PPARA: variants seen among roughly 807,000 people sequenced by gnomAD.
PPARA encodes the protein peroxisome proliferator activated receptor alpha.
Under a neutral mutation model 42.2 loss-of-function variants are expected in PPARA, and 22 were observed. The ratio of observed to expected loss-of-function variants is 0.52; its 90% CI spans 0.37 to 0.74. The LOEUF (loss-of-function observed/expected upper bound fraction) is 0.74. PPARA is among the 30% of genes least tolerant of loss of function. The pLI is 0.00. For synonymous variants in PPARA, 242 were observed against 239.3 expected (o/e 1.01, Z -0.10); for missense variants, 465 against 608.2 (o/e 0.76, Z 2.48).
rs977082195 is a variant in PPARA at position 46,190,513 on chromosome 22, G to C, written c.-42-7829G>C. ...CTCACACCAGTAATCCCAACACTTA[G>C]AGGCCAAGCCGCGTGGATCGCTTGA... On this transcript the variant is annotated intron_variant, in intron 3 of 8. Transcript: ENST00000407236. This position sits in a 1 kb window ranked among gnomAD's most constrained non-coding sequence, Gnocchi z 5.6. Among the ~76,000 whole-genome samples, 3 of 152,182 alleles carry C rather than the reference G, an allele frequency of 2.0e-5. No individual in the cohort carries two copies. The highest frequency in any genetic ancestry group is 1.9e-4 in the East Asian group (1 of 5,192).
At chr22:46,198,710 G>C in intron 4 of PPARA, 119 bp downstream of exon 4, 1 of 1,032,054 alleles carries the variant, frequency 9.7e-7, no homozygotes, top group Admixed American at 2.3e-5. Context: ...GCCCAGGCTG[G>C]AGTGCAATGG....
intron 7 of PPARA, among the ~76,000 whole-genome samples, chr22:46,229,581 GC>G (rs922483981): frequency 2.0e-5 from 3 of 151,786 alleles, no homozygotes; most frequent in Admixed American, 2.0e-4. Context: ...AAATTATCTA[GC>G]CCCTCCTAGA....
rs976994605 is a variant in PPARA at position 46,163,725 on chromosome 22, G to T, written c.-127+11755G>T. The T allele has an allele frequency of 1.8e-4, 27 of 152,250 alleles. No homozygotes were observed. The highest frequency in any genetic ancestry group is 6.0e-4 in the African/African-American group (25 of 41,456). 9.4% of individuals were successfully genotyped at this position (152,250 alleles called of 1,614,324 possible). A position where few individuals can be genotyped will look rare whatever the true frequency, so the allele number is the denominator to read the frequency against. On this transcript the variant is annotated intron_variant, in intron 2 of 8. Transcript: ENST00000407236. This position sits in a 1 kb window ranked among gnomAD's most constrained non-coding sequence, Gnocchi z 4.9. The stretch of plus-strand genomic sequence containing the variant: ...GGGAGACAGCCACATCCTGCCCGGG[G>T]CTCCTGGGCCCCGCTGCATCAAGTG...
In PPARA at chr22:46,163,844, G is replaced by A. The variant is rs1401293218; in HGVS notation, c.-127+11874G>A. 3 of 152,414 alleles carry A rather than the reference G, an allele frequency of 2.0e-5. No individual in the cohort carries two copies. Among genetic ancestry groups the A allele is most frequent in the Middle Eastern group, 3.4e-3 (1 of 294 alleles). 9.4% of individuals were successfully genotyped at this position (152,414 alleles called of 1,614,324 possible). A position where few individuals can be genotyped will look rare whatever the true frequency, so the allele number is the denominator to read the frequency against. On this transcript the variant is annotated intron_variant, in intron 2 of 8. Transcript: ENST00000407236. This position sits in a 1 kb window ranked among gnomAD's most constrained non-coding sequence, Gnocchi z 4.9. ...AGGATGTGTCCCGCCAGCCTTCCAC[G>A]ACGGACCCCCCACTCTCTATTAATT...
At position 46,226,194 on chromosome 22, in the gene PPARA, C is replaced by T. The variant is rs1935439052; in HGVS notation, c.712-5598C>T. Among the ~76,000 whole-genome samples, 2 of 152,172 alleles carry T rather than the reference C, an allele frequency of 1.3e-5. 1 individual carries two copies. The highest frequency in any genetic ancestry group is 6.3e-3 in the Middle Eastern group (2 of 316). ...ATACACATGCTCACACGCATACCCA[C>T]ACTCACATGTGTGCACATATGCTCA... On this transcript the variant is annotated intron_variant, in intron 7 of 8. Coordinates refer to ENST00000407236, the MANE Select transcript of PPARA (RefSeq NM_005036.6).
rs995139164 is a variant in PPARA at position 46,216,255 on chromosome 22, T to C, written c.369+922T>C. On this transcript the variant is annotated intron_variant, in intron 5 of 8. Transcript: ENST00000407236. This position sits in a 1 kb window ranked among gnomAD's most constrained non-coding sequence, Gnocchi z 4.5. ...AAAATTAGCCAGGTGTGGTGGTGGG[T>C]GCCTGTAATCCCAGCTACTTGGGAG... Among the ~76,000 whole-genome samples the C allele has an allele frequency of 1.3e-5, 2 of 151,668 alleles. No homozygotes were observed. The highest frequency in any genetic ancestry group is 6.6e-5 in the Admixed American group (1 of 15,178).
At position 46,190,139 on chromosome 22, in the gene PPARA, T is replaced by C. The variant is rs1360967112; in HGVS notation, c.-42-8203T>C. Reference sequence around the variant, plus strand: ...AGCGAAAAGACTTCTAGATGTTAAATATGATATTCAAAAAATATAAAGACA... The same window carrying C: ...AGCGAAAAGACTTCTAGATGTTAAACATGATATTCAAAAAATATAAAGACA... On this transcript the variant is annotated intron_variant, in intron 3 of 8. Transcript: ENST00000407236. The surrounding 1 kb of genome is among the most constrained non-coding windows in gnomAD (Gnocchi z 5.6). Among the ~76,000 whole-genome samples, 1 of 152,196 alleles carries C rather than the reference T, an allele frequency of 6.6e-6. No homozygotes were observed. Among genetic ancestry groups the C allele is most frequent in the East Asian group, 1.9e-4 (1 of 5,198 alleles).
intron 5 of PPARA, 61 bp downstream of exon 5, chr22:46,215,394 T>C: frequency 6.2e-7 from 1 of 1,601,952 alleles, no homozygotes; most frequent in Non-Finnish European, 8.5e-7. Context: ...TGGTCACTTT[T>C]ATAGCAAATG....
rs914692937 is a variant in PPARA, at chr22:46,224,978, G to T, written c.711+4964G>T. 6.6e-6 allele frequency among the ~76,000 whole-genome samples: 1 copy of T among 151,216 alleles called. No homozygotes were observed. Among genetic ancestry groups the T allele is most frequent in the African/African-American group, 2.4e-5 (1 of 41,190 alleles). On this transcript the variant is annotated intron_variant, in intron 7 of 8. Coordinates refer to ENST00000407236, the MANE Select transcript of PPARA (RefSeq NM_005036.6). The surrounding 1 kb of genome is among the most constrained non-coding windows in gnomAD (Gnocchi z 5.7). ...TGGAACAGGCTAGAATGCTGGGGGG[G>T]GGCCTGAAACCGGTGGGGGAGTTGT... is the stretch of plus-strand genomic sequence containing the variant.
chr22:46,230,295 T>G lies in PPARA; in HGVS notation c.712-1497T>G, dbSNP rs986556981. ...CTGAGGCGGGAGAATCGCTTGAACC[T>G]GGGAGGCCGAGGTTGCAGTGAGCCG... On this transcript the variant is annotated intron_variant, in intron 7 of 8. Transcript: ENST00000407236. The surrounding 1 kb of genome is among the most constrained non-coding windows in gnomAD (Gnocchi z 5.0). Among the ~76,000 whole-genome samples, 1 of 152,000 alleles carries G rather than the reference T, an allele frequency of 6.6e-6. No individual in the cohort carries two copies. The highest frequency in any genetic ancestry group is 2.4e-5 in the African/African-American group (1 of 41,366).
At chr22:46,186,571 C>A (rs1340123916) in intron 3 of PPARA, among the ~76,000 whole-genome samples, 1 of 152,122 alleles carries the variant, frequency 6.6e-6, no homozygotes, top group Non-Finnish European at 1.5e-5. Context: ...ATGTAGCTGT[C>A]ATTAACCTAA....
chr22:46,154,988 T>TAAAAAAAAAAAAAA lies in PPARA; in HGVS notation c.-127+3044_-127+3057dup, dbSNP rs71190699. On this transcript the variant is annotated intron_variant, in intron 2 of 8. Transcript: ENST00000407236. Reference sequence around the variant, plus strand: ...GCACCCGGCATAAGTGGTCTTTCTTTAAAAAAAAAAAAAAAAAAAAAAAAA... The same window carrying TAAAAAAAAAAAAAA: ...GCACCCGGCATAAGTGGTCTTTCTTTAAAAAAAAAAAAAAAAAAAAAAAAAAAAAAAAAAAAAAA... 4 of 31,002 alleles carry TAAAAAAAAAAAAAA rather than the reference T, an allele frequency of 1.3e-4. 1 individual carries two copies. Among genetic ancestry groups the TAAAAAAAAAAAAAA allele is most frequent in the African/African-American group, 4.2e-4 (4 of 9,448 alleles). 1.9% of individuals were successfully genotyped at this position (31,002 alleles called of 1,614,324 possible).
In PPARA at chr22:46,163,023, G is replaced by A. The variant is rs543080212; in HGVS notation, c.-127+11053G>A. The stretch of plus-strand genomic sequence containing the variant: ...CCCTGCCACTACCAACCACTGCATC[G>A]CATAACTGGCAGACTCCCAGCTTCA... On this transcript the variant is annotated intron_variant, in intron 2 of 8. Transcript: ENST00000407236. This position sits in a 1 kb window ranked among gnomAD's most constrained non-coding sequence, Gnocchi z 4.9. Among the ~76,000 whole-genome samples the A allele has an allele frequency of 1.1e-3, 166 of 152,262 alleles. No individual in the cohort carries two copies. The highest frequency in any genetic ancestry group is 3.1e-3 in the East Asian group (16 of 5,178).
intron 4 of PPARA, among the ~76,000 whole-genome samples, chr22:46,202,607 G>A (rs975359659): frequency 1.3e-5 from 2 of 151,334 alleles, no homozygotes; most frequent in African/African-American, 2.4e-5. Flanking sequence ...GCGTGGAGGC[G>A]TGCACCTCTT....
In PPARA at chr22:46,240,455, C is replaced by G. The variant is rs1413669159; in HGVS notation, c.*5075C>G. The G allele has an allele frequency of 2.0e-5, 8 of 392,804 alleles. No homozygotes were observed. In the East Asian group the frequency reaches 2.5e-4, roughly 12 times the overall value. The allele number at this position is 392,804 out of a possible 1,614,324, so 24.3% of individuals were successfully genotyped here. A position where few individuals can be genotyped will look rare whatever the true frequency, so the allele number is the denominator to read the frequency against. On this transcript the variant is annotated 3_prime_UTR_variant, in exon 9 of 9. Coordinates refer to ENST00000407236, the MANE Select transcript of PPARA (RefSeq NM_005036.6). The surrounding 1 kb of genome is among the most constrained non-coding windows in gnomAD (Gnocchi z 6.0). ...GCAGCCTTGTCCTCAGCTCCCATCT[C>G]CTGGACTGCCAGCCTCACCCTCTGC...
chr22:46,207,668 A>ATT (rs1219618915), intron 4 of PPARA, among the ~76,000 whole-genome samples: 23 of 79,762 alleles, frequency 2.9e-4, no homozygotes, highest in African/African-American at 5.9e-4. Flanking sequence ...TATTATTATT[A>ATT]TTATTATTAT....
At chr22:46,214,718 A>G (rs905522603) in intron 4 of PPARA, among the ~76,000 whole-genome samples, 2 of 148,614 alleles carry the variant, frequency 1.3e-5, no homozygotes, top group African/African-American at 5.0e-5. Context: ...GGGTCCAAAG[A>G]TGTGCAAATC....
rs62225958 is a variant in PPARA, at chr22:46,195,828, G to A, written c.-42-2514G>A. On this transcript the variant is annotated intron_variant, in intron 3 of 8. Coordinates refer to ENST00000407236, the MANE Select transcript of PPARA (RefSeq NM_005036.6). This position sits in a 1 kb window ranked among gnomAD's most constrained non-coding sequence, Gnocchi z 4.6. ...CCCGAGCCTCTCCGTGGTGTGCGCC[G>A]TGGGCACCATGTGACCATTTTCAGA... Among the ~76,000 whole-genome samples the A allele has an allele frequency of 0.071, 10,831 of 152,208 alleles. 453 individuals carry two copies. The highest frequency in any genetic ancestry group is 0.1 in the Middle Eastern group (30 of 294).
In PPARA at chr22:46,235,180, G is replaced by A. The variant is rs560283436; in HGVS notation, c.1207G>A (p.Gly403Ser). 6.2e-7 allele frequency: 1 copy of A among 1,613,846 alleles called. No homozygotes were observed. Among genetic ancestry groups the A allele is most frequent in the Non-Finnish European group, 8.5e-7 (1 of 1,179,868 alleles). The change falls in exon 9 of 9, where the codon GGT becomes AGT. Residue 403 changes from glycine (G) to serine (S), a missense_variant. Around this residue, in one of 2 missense-constraint regions of PPARA, gnomAD observed 313 missense variants for 469.1 expected, o/e 0.67. Transcript: ENST00000407236. This position sits in a 1 kb window ranked among gnomAD's most constrained non-coding sequence, Gnocchi z 7.0. ...NVGHIEKMQE[G>S]IVHVLRLHLQ... ...AGGACACATTGAAAAAATGCAGGAG[G>A]GTATTGTACATGTGCTCAGACTCCA...
Sources: gnomAD v4.1 joint callset for allele counts (sites outside exome capture counted in the v4.1 genomes callset) on GRCh38, gnomAD v4.1.1 for gene constraint, gnomAD v4.1.1 regional missense constraint, Gnocchi (gnomAD v3.1) non-coding constraint, MANE v1.5 for transcripts, NCBI Gene and HGNC (gene_info 2026-07-23, HGNC 2026-07-21) for gene names.